CDIN1: variants seen among roughly 807,000 people sequenced by gnomAD.
CDIN1 encodes CDAN1 interacting nuclease 1.
In CDIN1, 33 loss-of-function variants were observed where a neutral mutation model predicts 45.3. That is an observed-to-expected ratio of 0.73 (90% CI 0.55 to 0.97). The LOEUF (loss-of-function observed/expected upper bound fraction) is 0.97. Ranked by LOEUF, CDIN1 falls within the 50% of genes least tolerant of loss-of-function variation. The pLI is 0.00. For synonymous variants in CDIN1, 118 were observed against 124.4 expected, an observed-to-expected ratio of 0.95 and a Z score of 0.34; for missense variants, 303 against 339.4, an observed-to-expected ratio of 0.89 and a Z score of 0.84.
intron 1 of CDIN1, chr15:36,617,617 T>C (rs760481168): frequency 2.1e-4 from 162 of 772,976 alleles, no homozygotes; most frequent in Non-Finnish European, 3.5e-4. Flanking sequence ...TCTTGAAGTG[T>C]TAAGTTCTTC....
intron 1 of CDIN1, among the ~76,000 whole-genome samples, chr15:36,582,687 C>T (rs999437455): frequency 2.0e-5 from 3 of 152,182 alleles, no homozygotes; most frequent in Non-Finnish European, 4.4e-5. Context: ...CACACTTAGA[C>T]AATCACTAGC....
intron 8 of CDIN1, chr15:36,706,092 G>A (rs1322952222): frequency 6.6e-6 from 1 of 152,080 alleles, no homozygotes; most frequent in Non-Finnish European, 1.5e-5. Context: ...AGAATCATAA[G>A]TAACTACTTG....
At chr15:36,620,851 C>T (rs1318842728) in intron 1 of CDIN1, among the ~76,000 whole-genome samples, 1 of 151,914 alleles carries the variant, frequency 6.6e-6, no homozygotes, top group African/African-American at 2.4e-5. Flanking sequence ...ACCTTCCTTT[C>T]CTCCTCTTCT....
chr15:36,755,754 G>A (rs186474050), intron 10 of CDIN1, among the ~76,000 whole-genome samples: 2 of 151,978 alleles, frequency 1.3e-5, no homozygotes, highest in Non-Finnish European at 2.9e-5. Context: ...CAATATCCTC[G>A]TGTTGGGTTT....
chr15:36,723,693 G>A (rs116577667), intron 10 of CDIN1, among the ~76,000 whole-genome samples: 3,192 of 152,256 alleles, frequency 0.021, 115 homozygotes, highest in African/African-American at 0.073. Flanking sequence ...GTCTCCCAAA[G>A]TGCTGAGACT....
intron 3 of CDIN1, among the ~76,000 whole-genome samples, chr15:36,650,578 G>A (rs143394654): frequency 0.011 from 1,688 of 151,802 alleles, 26 homozygotes; most frequent in African/African-American, 0.039. Flanking sequence ...GAGTAGTTGG[G>A]ACTACAGGCA....
chr15:36,650,072 A>G (rs1366875439), intron 3 of CDIN1, among the ~76,000 whole-genome samples: 2 of 152,234 alleles, frequency 1.3e-5, no homozygotes, highest in African/African-American at 2.4e-5. Flanking sequence ...AAAGTTCTGT[A>G]GATCTGATCT....
At chr15:36,787,904 CAT>C (rs996314109) in intron 10 of CDIN1, among the ~76,000 whole-genome samples, 2 of 149,954 alleles carry the variant, frequency 1.3e-5, no homozygotes, top group East Asian at 1.9e-4. Flanking sequence ...TAATATGTAT[CAT>C]ATATTTAATG....
In CDIN1 at chr15:36,586,909, T is replaced by A. The variant is rs139754653; in HGVS notation, c.101+6948T>A. 4.3e-3 allele frequency among the ~76,000 whole-genome samples: 653 copies of A among 152,364 alleles called. 5 individuals carry two copies. Among genetic ancestry groups the A allele is most frequent in the African/African-American group, 0.015 (625 of 41,588 alleles). On this transcript the variant is annotated intron_variant, in intron 1 of 10. Transcript: ENST00000566621. ...AGAATGTTAGAAGCCAAAGGATTCG[T>A]TGAATAGTTAGTTCAGATATGGTTA...
intron 10 of CDIN1, among the ~76,000 whole-genome samples, chr15:36,762,378 T>A (rs569502566): frequency 6.6e-5 from 10 of 152,370 alleles, no homozygotes; most frequent in African/African-American, 2.2e-4. Context: ...AAGATTTATT[T>A]ATAAAAATGG....
chr15:36,590,392 A>T (rs1302734149), intron 1 of CDIN1, among the ~76,000 whole-genome samples: 1 of 152,250 alleles, frequency 6.6e-6, no homozygotes, highest in Non-Finnish European at 1.5e-5. Context: ...ATGAAAATAA[A>T]TATTTTGAAA....
intron 4 of CDIN1, among the ~76,000 whole-genome samples, chr15:36,656,956 T>G (rs1228918305): frequency 6.6e-6 from 1 of 152,160 alleles, no homozygotes; most frequent in African/African-American, 2.4e-5. Flanking sequence ...ATAAAAAGAC[T>G]CGTTTTAGGG....
In CDIN1 at chr15:36,648,041, G is replaced by A. The variant is rs1020268253; in HGVS notation, c.212+2754G>A. ...TTTTTAGTAGAGACGGGGTTTCACC[G>A]TGTTAGCCAGGATGGTCTCGATCTC... On this transcript the variant is annotated intron_variant, in intron 3 of 10. Coordinates refer to ENST00000566621, the MANE Select transcript of CDIN1 (RefSeq NM_001321759.2). Among the ~76,000 whole-genome samples, 23 of 151,968 alleles carry A rather than the reference G, an allele frequency of 1.5e-4. No homozygotes were observed. The South Asian group carries it at 4.4e-3, about 29-fold the overall frequency.
intron 10 of CDIN1, among the ~76,000 whole-genome samples, chr15:36,772,625 C>T (rs943430036): frequency 6.6e-6 from 1 of 152,148 alleles, no homozygotes; most frequent in Non-Finnish European, 1.5e-5. Context: ...CTTCCCATTG[C>T]TGTGCACAAA....
At chr15:36,686,509 T>C (rs1361699461) in intron 5 of CDIN1, among the ~76,000 whole-genome samples, 1 of 148,986 alleles carries the variant, frequency 6.7e-6, no homozygotes, top group Admixed American at 6.7e-5. Context: ...TGTATACATA[T>C]GTAACTAACC....
chr15:36,671,762 T>A (rs2041461483), intron 5 of CDIN1, among the ~76,000 whole-genome samples: 1 of 152,158 alleles, frequency 6.6e-6, no homozygotes, highest in Non-Finnish European at 1.5e-5. Flanking sequence ...TGATGTTTTT[T>A]AGGTACTGTT....
At chr15:36,701,964 T>G (rs998981282) in intron 8 of CDIN1, 2 of 685,698 alleles carry the variant, frequency 2.9e-6, no homozygotes, top group African/African-American at 3.5e-5. Context: ...GAAGCAATAA[T>G]ACTCTGCTGG....
chr15:36,714,608 C>T (rs1183962051), intron 10 of CDIN1, among the ~76,000 whole-genome samples: 1 of 152,184 alleles, frequency 6.6e-6, no homozygotes, highest in Non-Finnish European at 1.5e-5. Context: ...TTTCCAGGCT[C>T]CGTGTGTCAG....
chr15:36,682,077 A>ATG (rs745531678), intron 5 of CDIN1, among the ~76,000 whole-genome samples: 2,884 of 149,596 alleles, frequency 0.019, 75 homozygotes, highest in African/African-American at 0.061. Context: ...GGGTGTGTGT[A>ATG]TGTGTGTGTG....
Sources: allele counts gnomAD v4.1 joint callset (sites outside exome capture counted in the v4.1 genomes callset), GRCh38; gene constraint gnomAD v4.1.1; transcripts MANE v1.5; gene names NCBI Gene and HGNC (gene_info 2026-07-23, HGNC 2026-07-21).